The following SYN3 variants were observed in gnomAD, a reference collection of about 807,000 sequenced individuals.
SYN3 encodes the protein synapsin III, also known as synapsin-3.
In SYN3, 35 loss-of-function variants were observed where a neutral mutation model predicts 65.8. The observed-to-expected ratio is 0.53, with a 90% CI of 0.41 to 0.70. The LOEUF (loss-of-function observed/expected upper bound fraction) is 0.70, where lower values mean the gene tolerates loss of function less well. SYN3 is among the 30% of genes least tolerant of loss of function. The pLI is 0.00. For missense variants in SYN3, 680 were observed against 749.0 expected (o/e 0.91, Z 1.08); for synonymous variants, 270 against 292.9 (o/e 0.92, Z 0.80).
intron 6 of SYN3, among the ~76,000 whole-genome samples, chr22:32,853,150 C>A (rs184755546): frequency 6.6e-6 from 1 of 152,320 alleles, no homozygotes; most frequent in Admixed American, 6.5e-5. Context: ...CTGGAAGCAT[C>A]TTTGACCCCC....
chr22:32,938,540 AAAAAAGAAAAAG>A (rs970152953), intron 3 of SYN3, among the ~76,000 whole-genome samples: 2 of 152,024 alleles, frequency 1.3e-5, no homozygotes, highest in East Asian at 1.9e-4. Flanking sequence ...AGAAAAAAAA[AAAAAAGAAAAAG>A]AAAAAGGAAA....
At chr22:32,838,916 G>T (rs907416454) in intron 6 of SYN3, among the ~76,000 whole-genome samples, 1 of 151,768 alleles carries the variant, frequency 6.6e-6, no homozygotes, top group Non-Finnish European at 1.5e-5. Context: ...GCTAGTGAGT[G>T]TCCAAGGAAC....
chr22:32,704,279 C>T (rs1191585182), intron 6 of SYN3, among the ~76,000 whole-genome samples: 1 of 152,198 alleles, frequency 6.6e-6, no homozygotes, highest in East Asian at 1.9e-4. Context: ...CATGTGTTCA[C>T]ATCCTTTAGC....
chr22:32,762,191 A>T (rs1272248839), intron 6 of SYN3, among the ~76,000 whole-genome samples: 1 of 152,072 alleles, frequency 6.6e-6, no homozygotes, highest in Non-Finnish European at 1.5e-5. Flanking sequence ...CTGTCCATAC[A>T]TCCTTCCTCA....
chr22:32,665,507 ATATG>A (rs1434149975), intron 6 of SYN3, among the ~76,000 whole-genome samples: 15,578 of 149,410 alleles, frequency 0.1, 871 homozygotes, highest in African/African-American at 0.17. Flanking sequence ...ATATATATAT[ATATG>A]TCTCACATAT....
intron 7 of SYN3, among the ~76,000 whole-genome samples, chr22:32,563,732 C>T (rs1289312646): frequency 2.6e-5 from 4 of 152,124 alleles, no homozygotes; most frequent in African/African-American, 7.2e-5. Flanking sequence ...TACAATGGCT[C>T]GATCTCAGCT....
intron 6 of SYN3, among the ~76,000 whole-genome samples, chr22:32,656,595 T>A (rs1219382023): frequency 1.3e-5 from 2 of 152,166 alleles, no homozygotes; most frequent in African/African-American, 4.8e-5. Flanking sequence ...ACATTCAGAG[T>A]AGGACTTTTT....
chr22:32,760,961 T>C (rs1159007025), intron 6 of SYN3, among the ~76,000 whole-genome samples: 2 of 152,204 alleles, frequency 1.3e-5, no homozygotes, highest in Middle Eastern at 3.2e-3. Flanking sequence ...AAGGGGTTCC[T>C]GTCTTACAAT....
intron 6 of SYN3, among the ~76,000 whole-genome samples, chr22:32,668,051 A>G (rs2060314524): frequency 6.6e-6 from 1 of 151,588 alleles, no homozygotes; most frequent in Non-Finnish European, 1.5e-5. Flanking sequence ...TCAGCCTCCC[A>G]AAGTGCTGGG....
chr22:32,720,519 T>C (rs2061101928), intron 6 of SYN3, among the ~76,000 whole-genome samples: 1 of 152,202 alleles, frequency 6.6e-6, no homozygotes, highest in Admixed American at 6.5e-5. Context: ...CAGCCTGCCT[T>C]GCCCCGAATC....
At chr22:32,816,935 T>C (rs1244066078) in intron 6 of SYN3, among the ~76,000 whole-genome samples, 1 of 152,142 alleles carries the variant, frequency 6.6e-6, no homozygotes, top group African/African-American at 2.4e-5. Context: ...GAAATGTTCT[T>C]TGGAGCCGGG....
chr22:32,626,426 G>T (rs1470576508), intron 6 of SYN3, among the ~76,000 whole-genome samples: 5 of 152,172 alleles, frequency 3.3e-5, no homozygotes, highest in African/African-American at 9.7e-5. Context: ...TGATCGTCCT[G>T]GTAGAAAGTG....
chr22:32,528,950 A>G lies in SYN3; in HGVS notation c.1154T>C (p.Met385Thr). ...GEHVEEDRQL[M>T]ADLVVSKMSQ... ...CATTTTGGAGACAACAAGGTCGGCCATCAGCTGTCTGTCCTCTTCCACATG... is the reference window on the plus strand; with the variant it reads ...CATTTTGGAGACAACAAGGTCGGCCGTCAGCTGTCTGTCCTCTTCCACATG... Residue 385 changes from methionine to threonine, a missense_variant, in exon 11 of 14, where the codon ATG becomes ACG. Coordinates refer to ENST00000358763, the MANE Select transcript of SYN3 (RefSeq NM_003490.4). The G allele has an allele frequency of 6.2e-7, 1 of 1,614,114 alleles. No individual in the cohort carries two copies. Among genetic ancestry groups the G allele is most frequent in the East Asian group, 2.2e-5 (1 of 44,870 alleles).
chr22:32,667,372 T>C (rs1601875566), intron 6 of SYN3, among the ~76,000 whole-genome samples: 1 of 152,326 alleles, frequency 6.6e-6, no homozygotes, highest in Non-Finnish European at 1.5e-5. Context: ...ATACTATGTA[T>C]ATCATTTGAC....
rs145971116 is a variant in SYN3 at position 32,679,048 on chromosome 22, CTTTTT to C, written c.712-82317_712-82313del. 5.9e-3 allele frequency among the ~76,000 whole-genome samples: 506 copies of C among 85,632 alleles called. 2 individuals carry two copies. Among genetic ancestry groups the C allele is most frequent in the East Asian group, 0.012 (29 of 2,510 alleles). The allele number at this position is 85,632 out of a possible 152,430, so 56.2% of individuals were successfully genotyped here. ...CATTTTCTTTTTTCTTTGTTTCTTT[CTTTTT>C]TTTTTTTTTTTTTTTTTGAGATGGA... On this transcript the variant is annotated intron_variant, in intron 6 of 13. Coordinates refer to ENST00000358763, the MANE Select transcript of SYN3 (RefSeq NM_003490.4).
At chr22:32,972,255 A>G (rs1435596001) in intron 3 of SYN3, among the ~76,000 whole-genome samples, 1 of 152,228 alleles carries the variant, frequency 6.6e-6, no homozygotes, top group Non-Finnish European at 1.5e-5. Context: ...TAATAGTAAA[A>G]TTATGGAAAA....
chr22:32,868,545 A>G (rs2048752591), intron 5 of SYN3, among the ~76,000 whole-genome samples: 1 of 151,830 alleles, frequency 6.6e-6, no homozygotes, highest in Admixed American at 6.6e-5. Context: ...GGTTCAAGCG[A>G]TTCTCCTGCC....
intron 1 of SYN3, among the ~76,000 whole-genome samples, chr22:33,010,476 T>C (rs2053322222): frequency 6.6e-6 from 1 of 152,214 alleles, no homozygotes; most frequent in African/African-American, 2.4e-5. Flanking sequence ...TTGGCACCAA[T>C]TGGCTGTACA....
chr22:32,565,499 T>C (rs544052384), intron 7 of SYN3, among the ~76,000 whole-genome samples: 108 of 149,890 alleles, frequency 7.2e-4, no homozygotes, highest in Non-Finnish European at 1.2e-3. Flanking sequence ...TATAAATTCA[T>C]ACATAAAAAT....
Sources: gnomAD v4.1 joint callset for allele counts (sites outside exome capture counted in the v4.1 genomes callset) on GRCh38, gnomAD v4.1.1 for gene constraint, MANE v1.5 for transcripts, NCBI Gene and HGNC (gene_info 2026-07-23, HGNC 2026-07-21) for gene names.